ARHGAP27: variants seen among roughly 807,000 people sequenced by gnomAD.
ARHGAP27 encodes the protein rho GTPase-activating protein 27.
ARHGAP27 carries 53 observed loss-of-function variants against 102.0 expected under a neutral mutation model. That is an observed-to-expected ratio of 0.52 (90% CI 0.42 to 0.65). The LOEUF (loss-of-function observed/expected upper bound fraction) is 0.65. ARHGAP27 is among the 30% of genes least tolerant of loss of function. The pLI, the probability that ARHGAP27 is intolerant of heterozygous loss-of-function variation, is 0.00. For synonymous variants in ARHGAP27, 525 were observed against 542.8 expected (o/e 0.97, Z 0.46); for missense variants, 1,117 against 1,256.2 (o/e 0.89, Z 1.68).
chr17:45,396,646 G>GC (rs57420013), intron 15 of ARHGAP27, 22 bp downstream of exon 15: 8 of 1,612,702 alleles, frequency 5.0e-6, no homozygotes, highest in South Asian at 1.1e-5. Flanking sequence ...CCGGGTCCCC[G>GC]CCCCCCGCAG....
In ARHGAP27 at chr17:45,427,191, C is replaced by A. The variant is rs1354774995; in HGVS notation, c.657+2432G>T. On this transcript the variant is annotated intron_variant, in intron 4 of 19. Coordinates refer to ENST00000685559, the MANE Select transcript of ARHGAP27 (RefSeq NM_001282290.2). The surrounding 1 kb of genome is among the most constrained non-coding windows in gnomAD (Gnocchi z 4.5). ...CCCACGAGACCACCAAGAGCTTCAGCCATTCTTGAAGCCCTGGCCACAGGG... is the reference window on the plus strand; with the variant it reads ...CCCACGAGACCACCAAGAGCTTCAGACATTCTTGAAGCCCTGGCCACAGGG... 6.6e-6 allele frequency among the ~76,000 whole-genome samples: 1 copy of A among 152,188 alleles called. No homozygotes were observed. Among genetic ancestry groups the A allele is most frequent in the African/African-American group, 2.4e-5 (1 of 41,438 alleles).
chr17:45,414,210 C>T (rs2048211336), intron 4 of ARHGAP27, among the ~76,000 whole-genome samples: 1 of 152,138 alleles, frequency 6.6e-6, no homozygotes, highest in Non-Finnish European at 1.5e-5. Flanking sequence ...GGAATGATCA[C>T]CTTCTGCCCT....
rs1254455171 is a variant in ARHGAP27 at position 45,396,211 on chromosome 17, G to A, written c.2247C>T (p.Asp749=). The change falls in exon 17 of 20, where the codon GAC becomes GAT. Residue 749 remains aspartate (D), a synonymous_variant. Coordinates refer to ENST00000685559, the MANE Select transcript of ARHGAP27 (RefSeq NM_001282290.2). ...GGGGTTGGGGACGGGCCTCACCGTG[G>A]TCCACCTTATAGCGTAGCTTCTGGA... The part of the protein sequence containing the change: ...ATIQKLRYKV[D]HDERLDLDDG... 6 of 1,610,858 alleles carry A rather than the reference G, an allele frequency of 3.7e-6. No homozygotes were observed. Among genetic ancestry groups the A allele is most frequent in the Non-Finnish European group, 5.1e-6 (6 of 1,177,950 alleles).
chr17:45,419,495 A>G (rs1348301209), intron 4 of ARHGAP27, among the ~76,000 whole-genome samples: 1 of 141,806 alleles, frequency 7.1e-6, no homozygotes, highest in Non-Finnish European at 1.5e-5. Context: ...TATATATATA[A>G]AAGACTTATG....
At chr17:45,425,701 A>G (rs1048942766) in intron 4 of ARHGAP27, 9 of 956,338 alleles carry the variant, frequency 9.4e-6, no homozygotes, top group African/African-American at 5.3e-5. Flanking sequence ...CCAGCGGCCA[A>G]TGCCCCAGCA....
intron 4 of ARHGAP27, among the ~76,000 whole-genome samples, chr17:45,414,377 A>G (rs117253283): frequency 2.2e-3 from 327 of 149,212 alleles, no homozygotes; most frequent in Middle Eastern, 0.014. Context: ...CAAATTTCCA[A>G]CCCTTCCTTT....
chr17:45,429,565 T>C (rs760465840), intron 4 of ARHGAP27, 58 bp downstream of exon 4: 2 of 1,574,292 alleles, frequency 1.3e-6, no homozygotes, highest in Admixed American at 1.8e-5. Context: ...CCCGGCTCCG[T>C]GCGGGCGCGG....
chr17:45,418,106 T>C (rs557827798), intron 4 of ARHGAP27, among the ~76,000 whole-genome samples: 1 of 148,538 alleles, frequency 6.7e-6, no homozygotes, highest in Non-Finnish European at 1.5e-5. Context: ...CAGTTTTAAA[T>C]TTGTTTACTT....
rs1432784343 is a variant in ARHGAP27, at chr17:45,429,652, C to G, written c.628G>C (p.Val210Leu). Residue 210 changes from valine (V) to leucine (L), a missense_variant, in exon 4 of 20, where the codon GTC becomes CTC. Physicochemically the swap from Val to Leu is conservative, Grantham distance 32. Transcript: ENST00000685559. ...NVYEVIQDLH[V>L]PPPEESAEQV... ...TCTGCGCTCTCCTCCGGCGGCGGGA[C>G]GTGCAAGTCCTGGATGACCTCGTAG... 1.3e-6 allele frequency: 2 copies of G among 1,581,030 alleles called. No individual in the cohort carries two copies. Among genetic ancestry groups the G allele is most frequent in the Non-Finnish European group, 1.7e-6 (2 of 1,163,288 alleles).
chr17:45,426,571 C>T (rs1377514395), intron 4 of ARHGAP27, among the ~76,000 whole-genome samples: 1 of 152,064 alleles, frequency 6.6e-6, no homozygotes. Flanking sequence ...CACACACTCC[C>T]CAGTGCCCCC....
rs2049597511 is a variant in ARHGAP27, at chr17:45,426,367, C to T, written c.657+3256G>A. On this transcript the variant is annotated intron_variant, in intron 4 of 19. Coordinates refer to ENST00000685559, the MANE Select transcript of ARHGAP27 (RefSeq NM_001282290.2). ...TTAGCCCCTTTGGGACTGCATCTTACCACACTTTGTCCCCAGTGTCCAGCA... is the reference window on the plus strand; with the variant it reads ...TTAGCCCCTTTGGGACTGCATCTTATCACACTTTGTCCCCAGTGTCCAGCA... Among the ~76,000 whole-genome samples the T allele has an allele frequency of 2.6e-5, 4 of 152,156 alleles. No individual in the cohort carries two copies. The South Asian group carries it at 8.3e-4, about 31-fold the overall frequency.
intron 12 of ARHGAP27, among the ~76,000 whole-genome samples, chr17:45,400,536 A>T (rs537375711): frequency 3.3e-5 from 5 of 152,304 alleles, no homozygotes; most frequent in South Asian, 4.1e-4. Flanking sequence ...CTTTCATCAA[A>T]AGTCCATCAG....
chr17:45,425,440 G>T, intron 4 of ARHGAP27: 1 of 434,228 alleles, frequency 2.3e-6, no homozygotes, highest in Non-Finnish European at 3.1e-6. Flanking sequence ...CCTAGGAAGT[G>T]GGTGCTGGGC....
Position 45,395,345 on chromosome 17 carries a change from C to T in ARHGAP27, c.*111G>A. The T allele has an allele frequency of 3.7e-6, 5 of 1,344,652 alleles. No individual in the cohort carries two copies. The highest frequency in any genetic ancestry group is 5.0e-6 in the Non-Finnish European group (5 of 1,005,200). 83.3% of individuals were successfully genotyped at this position (1,344,652 alleles called of 1,614,324 possible). A position where few individuals can be genotyped will look rare whatever the true frequency, so the allele number is the denominator to read the frequency against. On this transcript the variant is annotated 3_prime_UTR_variant, in exon 20 of 20. Transcript: ENST00000685559. ...AGGGTGCAGAAGTCACACCGGCCTGCGGCTATGCGCTGGCGGAGGGTCCCA... is the reference window on the plus strand; with the variant it reads ...AGGGTGCAGAAGTCACACCGGCCTGTGGCTATGCGCTGGCGGAGGGTCCCA...
intron 4 of ARHGAP27, chr17:45,429,386 A>G (rs1227168400): frequency 2.2e-6 from 3 of 1,351,488 alleles, no homozygotes; most frequent in African/African-American, 3.1e-5. Context: ...CAATTGGATT[A>G]CGAAAAGCCT....
intron 16 of ARHGAP27, 59 bp from the exon 17 acceptor site, chr17:45,396,343 G>A (rs1344797111): frequency 6.5e-7 from 1 of 1,530,656 alleles, no homozygotes; most frequent in Admixed American, 2.0e-5. Context: ...TGGGGCTACG[G>A]GTCCCTGCTA....
At chr17:45,399,919 T>C (rs1345226345) in intron 12 of ARHGAP27, among the ~76,000 whole-genome samples, 1 of 152,224 alleles carries the variant, frequency 6.6e-6, no homozygotes, top group Non-Finnish European at 1.5e-5. Context: ...ATAATCCTAG[T>C]GCTTTGGAAG....
rs1235350692 is a variant in ARHGAP27 at position 45,406,065 on chromosome 17, G to T, written c.676C>A (p.Pro226Thr). The T allele has an allele frequency of 1.3e-6, 2 of 1,525,340 alleles. No homozygotes were observed. The highest frequency in any genetic ancestry group is 1.8e-6 in the Non-Finnish European group (2 of 1,139,780). 94.5% of individuals were successfully genotyped at this position (1,525,340 alleles called of 1,614,324 possible). ...TGCCTCTCTATGTTCGCGTACACGG[G>T]CTCCGGTGGGTCGTCCACCTGCGGG... ...SAEQVDDPPEPVYANIERQPR... is the reference protein window; with the variant it reads ...SAEQVDDPPETVYANIERQPR... The change falls in exon 5 of 20, where the codon CCC becomes ACC. Residue 226 changes from proline to threonine, a missense_variant. Transcript: ENST00000685559.
rs2049974142 is a variant in ARHGAP27, at chr17:45,430,440, G to A, written c.-18-143C>T. Reference sequence around the variant, plus strand: ...GCCTCAGTTTTCCCATCTCTAAAATGGGAACTTGCATAAAATCACATGTAA... The same window carrying A: ...GCCTCAGTTTTCCCATCTCTAAAATAGGAACTTGCATAAAATCACATGTAA... On this transcript the variant is annotated intron_variant, in intron 3 of 19. Coordinates refer to ENST00000685559, the MANE Select transcript of ARHGAP27 (RefSeq NM_001282290.2). This position sits in a 1 kb window ranked among gnomAD's most constrained non-coding sequence, Gnocchi z 4.4. 7.2e-6 allele frequency: 9 copies of A among 1,252,898 alleles called. No homozygotes were observed. The highest frequency in any genetic ancestry group is 9.6e-6 in the Non-Finnish European group (9 of 934,622). 77.6% of individuals were successfully genotyped at this position (1,252,898 alleles called of 1,614,324 possible). A position where few individuals can be genotyped will look rare whatever the true frequency, so the allele number is the denominator to read the frequency against.
Sources: gnomAD v4.1 joint callset for allele counts (sites outside exome capture counted in the v4.1 genomes callset) on GRCh38, gnomAD v4.1.1 for gene constraint, Gnocchi (gnomAD v3.1) non-coding constraint, MANE v1.5 for transcripts, NCBI Gene and HGNC (gene_info 2026-07-23, HGNC 2026-07-21) for gene names.